ESYT2: variants seen among roughly 807,000 people sequenced by gnomAD.
ESYT2 encodes extended synaptotagmin 2.
In ESYT2, 54 loss-of-function variants were observed where a neutral mutation model predicts 107.2. The observed-to-expected ratio is 0.50, with a 90% CI of 0.40 to 0.63. The LOEUF (loss-of-function observed/expected upper bound fraction) is 0.63. Ranked by LOEUF, ESYT2 falls within the 30% of genes least tolerant of loss-of-function variation. The pLI is 0.00. For synonymous variants in ESYT2, 491 were observed against 434.1 expected, an observed-to-expected ratio of 1.13 and a Z score of -1.63; for missense variants, 1,020 against 1,094.5, an observed-to-expected ratio of 0.93 and a Z score of 0.96.
rs763280577 is a variant in ESYT2 at position 158,793,631 on chromosome 7, A to G, written c.584+19T>C. ...ACACGCCATTAACCATAACACAAAT[A>G]TAACAAATAAAAACTTACCTAATCT... On this transcript the variant is annotated intron_variant, in intron 4 of 22. Coordinates refer to ENST00000275418, the MANE Select transcript of ESYT2 (RefSeq NM_001367773.1). 55 of 1,566,234 alleles carry G rather than the reference A, an allele frequency of 3.5e-5. No individual in the cohort carries two copies. Among genetic ancestry groups the G allele is most frequent in the Non-Finnish European group, 4.5e-5 (51 of 1,137,876 alleles).
At position 158,735,617 on chromosome 7, in the gene ESYT2, G is replaced by A; in HGVS notation, c.2400-9C>T. On this transcript the variant is annotated splice_polypyrimidine_tract_variant and intron_variant, in intron 20 of 22. Coordinates refer to ENST00000275418, the MANE Select transcript of ESYT2 (RefSeq NM_001367773.1). ...AAACACTGAAATCAAAGCTGAAATA[G>A]GAAACGAGAGCCTTACTTTATCCAT... 1 of 1,607,310 alleles carries A rather than the reference G, an allele frequency of 6.2e-7. No individual in the cohort carries two copies. The highest frequency in any genetic ancestry group is 2.2e-5 in the East Asian group (1 of 44,842).
At chr7:158,825,392 TAAAC>T (rs1840411881) in intron 1 of ESYT2, among the ~76,000 whole-genome samples, 2 of 152,218 alleles carry the variant, frequency 1.3e-5, no homozygotes. Context: ...GGTAGACACT[TAAAC>T]AACAAAAAGC....
intron 8 of ESYT2, among the ~76,000 whole-genome samples, chr7:158,765,664 A>G (rs1838132124): frequency 6.6e-6 from 1 of 152,174 alleles, no homozygotes; most frequent in Non-Finnish European, 1.5e-5. Context: ...TGAACCCAGG[A>G]GGCAGAGCTT....
At chr7:158,798,758 C>A (rs1390426584) in intron 2 of ESYT2, among the ~76,000 whole-genome samples, 1 of 148,246 alleles carries the variant, frequency 6.7e-6, no homozygotes, top group Non-Finnish European at 1.5e-5. Flanking sequence ...ATAAAATAGA[C>A]TTGAGCCCTG....
intron 1 of ESYT2, among the ~76,000 whole-genome samples, chr7:158,825,327 A>C (rs558132229): frequency 4.3e-4 from 65 of 152,264 alleles, no homozygotes; most frequent in African/African-American, 1.5e-3. Flanking sequence ...ATAAATAAAT[A>C]AATCTTCTCT....
At position 158,783,383 on chromosome 7, in the gene ESYT2, G is replaced by A. The variant is rs1168971503; in HGVS notation, c.747+4621C>T. 2.6e-5 allele frequency among the ~76,000 whole-genome samples: 4 copies of A among 152,290 alleles called. No individual in the cohort carries two copies. In the East Asian group the frequency reaches 7.7e-4, roughly 29 times the overall value. On this transcript the variant is annotated intron_variant, in intron 6 of 22. Coordinates refer to ENST00000275418, the MANE Select transcript of ESYT2 (RefSeq NM_001367773.1). ...GTATGCCTGGCATCCTGGCTGCATT[G>A]AGCTCCACAGTTCAGAACAAGAATC...
chr7:158,768,196 C>CAT (rs2129472360), intron 7 of ESYT2, among the ~76,000 whole-genome samples: 1 of 152,222 alleles, frequency 6.6e-6, no homozygotes, highest in East Asian at 1.9e-4. Flanking sequence ...TTCAAACATA[C>CAT]ATATAAGTAC....
chr7:158,808,215 G>A (rs1332982167), intron 1 of ESYT2, among the ~76,000 whole-genome samples: 1 of 152,182 alleles, frequency 6.6e-6, no homozygotes, highest in Non-Finnish European at 1.5e-5. Context: ...ATATTAAATG[G>A]AAACTTCCAG....
At chr7:158,820,029 G>C (rs908406282) in intron 1 of ESYT2, among the ~76,000 whole-genome samples, 2 of 152,180 alleles carry the variant, frequency 1.3e-5, no homozygotes, top group African/African-American at 4.8e-5. Flanking sequence ...AGTGCACGTG[G>C]GATGTGCTTC....
chr7:158,745,383 AG>A (rs1187225856), intron 16 of ESYT2, among the ~76,000 whole-genome samples: 1 of 152,240 alleles, frequency 6.6e-6, no homozygotes, highest in African/African-American at 2.4e-5. Flanking sequence ...ACAGAGGCTG[AG>A]GAAAAAAACA....
intron 4 of ESYT2, 21 bp downstream of exon 4, chr7:158,793,629 A>G (rs767833284): frequency 6.4e-7 from 1 of 1,560,670 alleles, no homozygotes; most frequent in Non-Finnish European, 8.8e-7. Flanking sequence ...CATAACACAA[A>G]TATAACAAAT....
At chr7:158,761,726 G>C (rs1433414111) in intron 10 of ESYT2, among the ~76,000 whole-genome samples, 182 bp from the exon 11 acceptor site, 3 of 152,080 alleles carry the variant, frequency 2.0e-5, no homozygotes, top group African/African-American at 7.2e-5. Context: ...TTTTCCACAA[G>C]CTTCCTCCAG....
rs978475249 is a variant in ESYT2, at chr7:158,731,750, A to G, written c.*2457T>C. 3 of 152,682 alleles carry G rather than the reference A, an allele frequency of 2.0e-5. No individual in the cohort carries two copies. The highest frequency in any genetic ancestry group is 2.0e-4 in the Admixed American group (3 of 15,286). 9.5% of individuals were successfully genotyped at this position (152,682 alleles called of 1,614,324 possible). A position where few individuals can be genotyped will look rare whatever the true frequency, so the allele number is the denominator to read the frequency against. On this transcript the variant is annotated 3_prime_UTR_variant, in exon 23 of 23. Coordinates refer to ENST00000275418, the MANE Select transcript of ESYT2 (RefSeq NM_001367773.1). The stretch of plus-strand genomic sequence containing the variant: ...AATTTTCCCTTCATTGGCTTGGCTC[A>G]AGGTAGAAAAGTTAAAATTCCCTTT...
At chr7:158,793,783 G>A (rs868595495) in intron 3 of ESYT2, 57 bp from the exon 4 acceptor site, 24 of 1,303,174 alleles carry the variant, frequency 1.8e-5, no homozygotes, top group Middle Eastern at 2.1e-4. Context: ...AAATCAAACC[G>A]TGTAACATAC....
Position 158,779,637 on chromosome 7 carries a change from T to C in ESYT2, c.748-6241A>G, listed in dbSNP as rs543709816. 3.9e-4 allele frequency among the ~76,000 whole-genome samples: 60 copies of C among 152,306 alleles called. 2 individuals carry two copies. The highest frequency in any genetic ancestry group is 3.4e-3 in the Middle Eastern group (1 of 294). On this transcript the variant is annotated intron_variant, in intron 6 of 22. Coordinates refer to ENST00000275418, the MANE Select transcript of ESYT2 (RefSeq NM_001367773.1). ...CTGGACCCACATGGGAAGAAACGAC[T>C]GATTTTTAAGGACAGCTGTGCAGAC...
chr7:158,827,162 CAA>C (rs34940580), intron 1 of ESYT2, among the ~76,000 whole-genome samples: 36 of 105,952 alleles, frequency 3.4e-4, no homozygotes, highest in Non-Finnish European at 4.8e-4. Flanking sequence ...GGCTCTGTCT[CAA>C]AAAAAAAAAA....
At chr7:158,823,525 AC>A (rs1353693483) in intron 1 of ESYT2, among the ~76,000 whole-genome samples, 2 of 151,668 alleles carry the variant, frequency 1.3e-5, no homozygotes, top group East Asian at 3.9e-4. Context: ...ACGGGGTCTC[AC>A]CGTGTTAGCC....
chr7:158,796,740 G>C (rs1443766962), intron 3 of ESYT2, among the ~76,000 whole-genome samples: 2 of 152,174 alleles, frequency 1.3e-5, no homozygotes, highest in Non-Finnish European at 2.9e-5. Flanking sequence ...CGGGCGAGAG[G>C]GAAGCAGGAC....
Position 158,797,948 on chromosome 7 carries a change from G to A in ESYT2, c.501C>T (p.Gly167=). ...STFSFTKVDV[G]QQPLRINGVK... is the part of the protein sequence containing the mutation. ...TACTTAAGAGAACACTGACCTGCTG[G>A]CCCACGTCGACCTTCGTGAAACTAA... Residue 167 remains glycine (G), a synonymous_variant, in exon 3 of 23, where the codon GGC becomes GGT. Coordinates refer to ENST00000275418, the MANE Select transcript of ESYT2 (RefSeq NM_001367773.1). 4 of 1,613,958 alleles carry A rather than the reference G, an allele frequency of 2.5e-6. No individual in the cohort carries two copies. The highest frequency in any genetic ancestry group is 3.4e-6 in the Non-Finnish European group (4 of 1,179,882).
Sources: allele counts gnomAD v4.1 joint callset (sites outside exome capture counted in the v4.1 genomes callset), GRCh38; gene constraint gnomAD v4.1.1; transcripts MANE v1.5; gene names NCBI Gene and HGNC (gene_info 2026-07-23, HGNC 2026-07-21).